The following GLIS1 variants were observed in gnomAD, a reference collection of about 807,000 sequenced individuals.
GLIS1 encodes GLIS family zinc finger 1.
In GLIS1, 24 loss-of-function variants were observed where a neutral mutation model predicts 63.8. The ratio of observed to expected loss-of-function variants is 0.38; its 90% CI spans 0.27 to 0.53. The LOEUF (loss-of-function observed/expected upper bound fraction) is 0.53, where lower values mean the gene tolerates loss of function less well. GLIS1 is among the 20% of genes least tolerant of loss of function. The pLI is 0.85. For missense variants in GLIS1, 1,036 were observed against 1,074.1 expected (o/e 0.96, Z 0.50); for synonymous variants, 450 against 482.5 (o/e 0.93, Z 0.88).
At chr1:53,632,649 GCA>G (rs1645671023) in intron 2 of GLIS1, among the ~76,000 whole-genome samples, 1 of 150,202 alleles carries the variant, frequency 6.7e-6, no homozygotes, top group African/African-American at 2.5e-5. Flanking sequence ...TGATTGAGGG[GCA>G]TGTGAATGAG....
chr1:53,735,668 A>G (rs193228498), intron 2 of GLIS1, among the ~76,000 whole-genome samples: 2 of 152,300 alleles, frequency 1.3e-5, no homozygotes, highest in East Asian at 1.9e-4. Context: ...CAGTCAATAC[A>G]TATTTTTCAA....
intron 2 of GLIS1, among the ~76,000 whole-genome samples, chr1:53,662,832 A>G (rs1384871853): frequency 2.0e-5 from 3 of 152,142 alleles, no homozygotes; most frequent in East Asian, 1.9e-4. Context: ...CTGAGCACCA[A>G]TGTGGGCTGA....
At chr1:53,660,679 G>T (rs989989236) in intron 2 of GLIS1, among the ~76,000 whole-genome samples, 3 of 152,188 alleles carry the variant, frequency 2.0e-5, no homozygotes, top group Non-Finnish European at 2.9e-5. Flanking sequence ...CCAGCCCCTG[G>T]GGCAGCATAC....
intron 2 of GLIS1, among the ~76,000 whole-genome samples, chr1:53,615,166 T>C (rs1472868159): frequency 2.0e-5 from 3 of 152,122 alleles, no homozygotes; most frequent in Non-Finnish European, 2.9e-5. Context: ...TCTAGTAATT[T>C]GACGGCAGGG....
intron 4 of GLIS1, among the ~76,000 whole-genome samples, chr1:53,593,813 C>T (rs773275830): frequency 6.6e-6 from 1 of 152,346 alleles, no homozygotes. Flanking sequence ...TTTTTCCAAT[C>T]GCATGTGCAC....
intron 2 of GLIS1, among the ~76,000 whole-genome samples, chr1:53,668,502 T>G (rs928850668): frequency 6.6e-6 from 1 of 152,120 alleles, no homozygotes; most frequent in Admixed American, 6.5e-5. Flanking sequence ...GCTGAGACTA[T>G]AGGTGCACGC....
At chr1:53,545,007 C>T (rs1207028289) in intron 4 of GLIS1, among the ~76,000 whole-genome samples, 4 of 152,210 alleles carry the variant, frequency 2.6e-5, no homozygotes, top group Non-Finnish European at 5.9e-5. Context: ...CTGCCACCAG[C>T]TTTTTGCAGG....
At chr1:53,550,901 A>T (rs1264198993) in intron 4 of GLIS1, among the ~76,000 whole-genome samples, 1 of 152,022 alleles carries the variant, frequency 6.6e-6, no homozygotes, top group East Asian at 1.9e-4. Flanking sequence ...CCCAGGCTGG[A>T]GTGCAATGGC....
At chr1:53,529,765 C>T (rs1424465878) in intron 5 of GLIS1, 26 bp downstream of exon 5, 2 of 1,604,798 alleles carry the variant, frequency 1.2e-6, no homozygotes, top group East Asian at 4.5e-5. Flanking sequence ...TCCACCCCGC[C>T]CTGGGCCTCT....
intron 2 of GLIS1, among the ~76,000 whole-genome samples, chr1:53,722,907 TG>T (rs1206025430): frequency 1.4e-5 from 2 of 142,920 alleles, no homozygotes; most frequent in African/African-American, 5.2e-5. Context: ...CCGAGGCGGG[TG>T]GATCACCTGA....
intron 4 of GLIS1, among the ~76,000 whole-genome samples, chr1:53,561,363 G>A (rs1010209587): frequency 3.9e-5 from 6 of 152,188 alleles, no homozygotes; most frequent in Non-Finnish European, 2.9e-5. Context: ...CCTGGAAGGC[G>A]CTGGGTTTCA....
chr1:53,577,292 C>A (rs1407464882), intron 4 of GLIS1, among the ~76,000 whole-genome samples: 1 of 152,138 alleles, frequency 6.6e-6, no homozygotes, highest in African/African-American at 2.4e-5. Context: ...CCCCAAGCTG[C>A]CAGGCCTGCA....
rs560427949 is a variant in GLIS1 at position 53,527,553 on chromosome 1, A to C, written c.1482+2238T>G. Among the ~76,000 whole-genome samples the C allele has an allele frequency of 2.6e-5, 4 of 152,254 alleles. No homozygotes were observed. In the South Asian group the frequency reaches 8.3e-4, roughly 32 times the overall value. ...ACCAGGAGGCATGGCCACGGTCAGA[A>C]CCCTGGCCTGGTCCTCTCCAGTCTG... is the stretch of plus-strand genomic sequence containing the variant. On this transcript the variant is annotated intron_variant, in intron 5 of 10. Coordinates refer to ENST00000628545, the MANE Select transcript of GLIS1 (RefSeq NM_001367484.1).
At chr1:53,562,477 C>A (rs1644901621) in intron 4 of GLIS1, among the ~76,000 whole-genome samples, 2 of 152,042 alleles carry the variant, frequency 1.3e-5, no homozygotes, top group Admixed American at 1.3e-4. Flanking sequence ...CACAGCTCAC[C>A]CACCTGCTCC....
At position 53,529,771 on chromosome 1, in the gene GLIS1, C is replaced by A; in HGVS notation, c.1482+20G>T. On this transcript the variant is annotated intron_variant, in intron 5 of 10. Coordinates refer to ENST00000628545, the MANE Select transcript of GLIS1 (RefSeq NM_001367484.1). ...TGGCCATCCTCCACCCCGCCCTGGGCCTCTGCCTGTTGGGCCTACCGTGTC... is the reference window on the plus strand; with the variant it reads ...TGGCCATCCTCCACCCCGCCCTGGGACTCTGCCTGTTGGGCCTACCGTGTC... 1 of 1,606,412 alleles carries A rather than the reference C, an allele frequency of 6.2e-7. No homozygotes were observed. The highest frequency in any genetic ancestry group is 8.5e-7 in the Non-Finnish European group (1 of 1,178,560).
intron 5 of GLIS1, among the ~76,000 whole-genome samples, chr1:53,525,464 G>C (rs1258902090): frequency 0.016 from 2 of 122 alleles, no homozygotes; most frequent in East Asian, 0.5. Context: ...GGGCTGGGGA[G>C]GCTGGGGAGG....
At chr1:53,691,069 G>A (rs1377500632) in intron 2 of GLIS1, among the ~76,000 whole-genome samples, 2 of 152,140 alleles carry the variant, frequency 1.3e-5, no homozygotes, top group African/African-American at 4.8e-5. Flanking sequence ...AAAAAGGAAG[G>A]GAGAGACCAG....
intron 2 of GLIS1, among the ~76,000 whole-genome samples, chr1:53,650,189 G>C (rs572710356): frequency 6.6e-6 from 1 of 152,210 alleles, no homozygotes; most frequent in Non-Finnish European, 1.5e-5. Context: ...TCCAGACGGA[G>C]AAATAGATAG....
chr1:53,585,541 G>A (rs1206192371), intron 4 of GLIS1, among the ~76,000 whole-genome samples: 1 of 151,370 alleles, frequency 6.6e-6, no homozygotes, highest in Non-Finnish European at 1.5e-5. Flanking sequence ...TGGGGAATGG[G>A]GGTGAAACAG....
Sources: allele counts gnomAD v4.1 joint callset (sites outside exome capture counted in the v4.1 genomes callset), GRCh38; gene constraint gnomAD v4.1.1; transcripts MANE v1.5; gene names NCBI Gene and HGNC (gene_info 2026-07-23, HGNC 2026-07-21).